ACCSL: variants seen among roughly 807,000 people sequenced by gnomAD.
ACCSL encodes 1-aminocyclopropane-1-carboxylate synthase homolog (inactive) like, also known as probable inactive 1-aminocyclopropane-1-carboxylate synthase-like protein 2.
ACCSL carries 55 observed loss-of-function variants against 61.7 expected under a neutral mutation model. The ratio of observed to expected loss-of-function variants is 0.89; its 90% CI spans 0.72 to 1.12. The LOEUF (loss-of-function observed/expected upper bound fraction) is 1.12, where lower values mean the gene tolerates loss of function less well. ACCSL is among the 50% of genes most tolerant of loss of function. The pLI is 0.00. For missense variants in ACCSL, 632 were observed against 698.0 expected, an observed-to-expected ratio of 0.91 and a Z score of 1.07; for synonymous variants, 258 against 264.3, an observed-to-expected ratio of 0.98 and a Z score of 0.23.
the ACCSL span, among the ~76,000 whole-genome samples, chr11:43,967,152 G>C: frequency 1.9e-5 from 2 of 105,110 alleles, no homozygotes; most frequent in Admixed American, 1.1e-4. Flanking sequence ...AGTTCTTCCA[G>C]TTCTTCTTCT....
At chr11:44,023,834 G>A in the ACCSL span, among the ~76,000 whole-genome samples, 1 of 151,780 alleles carries the variant, frequency 6.6e-6, no homozygotes, top group African/African-American at 2.4e-5. Context: ...TCATAAGTTT[G>A]GTATGTTGTG....
At chr11:44,037,860 C>G in the ACCSL span, among the ~76,000 whole-genome samples, 1 of 143,934 alleles carries the variant, frequency 6.9e-6, no homozygotes, top group African/African-American at 2.6e-5. Flanking sequence ...TTATGGTATT[C>G]ATCCATCCAT....
chr11:43,980,560 T>C, the ACCSL span, among the ~76,000 whole-genome samples: 2 of 152,238 alleles, frequency 1.3e-5, no homozygotes, highest in East Asian at 3.8e-4. Context: ...GCTTTCACTA[T>C]TCTGTGAATT....
the ACCSL span, among the ~76,000 whole-genome samples, chr11:43,940,405 G>T: frequency 6.6e-6 from 1 of 151,328 alleles, no homozygotes; most frequent in African/African-American, 2.4e-5. Flanking sequence ...GCCCAGGCTG[G>T]TGTGCAGTGG....
At chr11:44,050,906 ATC>A in intron 3 of ACCSL, among the ~76,000 whole-genome samples, 1 of 139,052 alleles carries the variant, frequency 7.2e-6, no homozygotes, top group Admixed American at 7.9e-5. Context: ...CAGTGGTGCT[ATC>A]TCAGCTCACT....
the ACCSL span, among the ~76,000 whole-genome samples, chr11:44,041,088 T>C: frequency 6.6e-6 from 1 of 152,216 alleles, no homozygotes; most frequent in South Asian, 2.1e-4. Flanking sequence ...GAGCCTGACT[T>C]GAGGCAGTGC....
chr11:44,009,890 C>G, the ACCSL span, among the ~76,000 whole-genome samples: 1 of 152,210 alleles, frequency 6.6e-6, no homozygotes, highest in Non-Finnish European at 1.5e-5. Context: ...GTTGCCATCC[C>G]AAGCCCCAGT....
chr11:44,004,303 G>A, the ACCSL span, among the ~76,000 whole-genome samples: 18 of 152,022 alleles, frequency 1.2e-4, no homozygotes, highest in African/African-American at 1.9e-4. Flanking sequence ...GACACAGAGC[G>A]GGTTTTCTGG....
At chr11:44,000,631 T>TA in the ACCSL span, among the ~76,000 whole-genome samples, 653 of 127,480 alleles carry the variant, frequency 5.1e-3, 4 homozygotes, top group South Asian at 0.016. Flanking sequence ...CTGTCTCTAT[T>TA]AAAAAAAAAA....
the ACCSL span, among the ~76,000 whole-genome samples, chr11:44,039,966 G>A: frequency 2.7e-4 from 41 of 152,340 alleles, no homozygotes; most frequent in African/African-American, 8.4e-4. Context: ...TACCACCCTC[G>A]GGGAGGTAGG....
the ACCSL span, among the ~76,000 whole-genome samples, chr11:43,952,412 T>C: frequency 6.6e-6 from 1 of 152,164 alleles, no homozygotes; most frequent in Non-Finnish European, 1.5e-5. Flanking sequence ...AAGAAAGAAG[T>C]AAAAACTAAA....
At chr11:44,001,247 TGTG>T in the ACCSL span, 1 of 151,314 alleles carries the variant, frequency 6.6e-6, no homozygotes, top group African/African-American at 2.4e-5. Context: ...CAGCGGAAAA[TGTG>T]GTGAACAATA....
the ACCSL span, among the ~76,000 whole-genome samples, chr11:44,042,657 TTG>T: frequency 2.0e-3 from 268 of 136,334 alleles, 2 homozygotes; most frequent in African/African-American, 7.7e-3. Context: ...TTTGTTTTTT[TTG>T]TTTTTTTAGC....
intron 8 of ACCSL, among the ~76,000 whole-genome samples, chr11:44,054,733 G>A (rs1952660839): frequency 6.6e-6 from 1 of 152,092 alleles, no homozygotes; most frequent in African/African-American, 2.4e-5. Flanking sequence ...GGGATTACAG[G>A]CCTGAACCAC....
intron 1 of ACCSL, among the ~76,000 whole-genome samples, chr11:44,049,389 C>T (rs944144093): frequency 2.6e-4 from 35 of 132,564 alleles, no homozygotes; most frequent in African/African-American, 8.7e-4. Flanking sequence ...CACTGCACTC[C>T]AGCCTGGGTG....
chr11:44,031,196 T>C, the ACCSL span, among the ~76,000 whole-genome samples: 1 of 152,200 alleles, frequency 6.6e-6, no homozygotes. Context: ...ATAATGTGTG[T>C]AAAGAGCTCA....
In ACCSL at chr11:44,052,745, C is replaced by T. The variant is rs771970035; in HGVS notation, c.856C>T (p.His286Tyr). The T allele has an allele frequency of 4.3e-6, 7 of 1,613,906 alleles. No individual in the cohort carries two copies. In the East Asian group the frequency reaches 8.9e-5, roughly 21 times the overall value. The change falls in exon 6 of 14, where the codon CAC (histidine) becomes TAC (tyrosine). Residue 286 changes from histidine (H) to tyrosine (Y), a missense_variant. By Grantham distance (83) the His-to-Tyr change is moderately conservative. Coordinates refer to ENST00000378832, the MANE Select transcript of ACCSL (RefSeq NM_001031854.2). ...LYAKVELIPVHLESEVTVTNT... is the reference protein window; with the variant it reads ...LYAKVELIPVYLESEVTVTNT... ...TGCAAAGGTTGAGTTGATTCCTGTC[C>T]ACCTGGAGAGTGAGGTCTGAATGGG...
At chr11:43,942,953 G>A in the ACCSL span, 2 of 1,475,530 alleles carry the variant, frequency 1.4e-6, no homozygotes, top group Non-Finnish European at 9.0e-7. Context: ...CAGTTACCAG[G>A]CGGTGATGCC....
chr11:44,051,694 G>A lies in ACCSL; in HGVS notation c.747G>A (p.Leu249=), dbSNP rs369864775. The A allele has an allele frequency of 6.2e-7, 1 of 1,614,136 alleles. No homozygotes were observed. The highest frequency in any genetic ancestry group is 2.2e-5 in the East Asian group (1 of 44,878). ...GCTGCTGCTCTGTCTTCTGTGCCCT[G>A]GCCATGGTTCTGTGTGATCCAGGCG... ...LNGCCSVFCA[L]AMVLCDPGEA... The change falls in exon 5 of 14, where the codon CTG becomes CTA. Residue 249 remains leucine (L), a synonymous_variant. Coordinates refer to ENST00000378832, the MANE Select transcript of ACCSL (RefSeq NM_001031854.2).
Sources: gnomAD v4.1 joint callset for allele counts (sites outside exome capture counted in the v4.1 genomes callset) on GRCh38, gnomAD v4.1.1 for gene constraint, MANE v1.5 for transcripts, NCBI Gene and HGNC (gene_info 2026-07-23, HGNC 2026-07-21) for gene names.